The following SLC12A6 variants were observed in gnomAD, a reference collection of about 807,000 sequenced individuals.
SLC12A6 encodes the protein solute carrier family 12 member 6, also known as K-Cl cotransporter 3.
A neutral mutation model predicts 135.3 loss-of-function variants in SLC12A6; 66 were observed. That is an observed-to-expected ratio of 0.49 (90% confidence interval 0.40 to 0.60). The LOEUF (loss-of-function observed/expected upper bound fraction) is 0.60, where lower values mean the gene tolerates loss of function less well. Ranked by LOEUF, SLC12A6 falls within the 20% of genes least tolerant of loss-of-function variation. The pLI, the probability that SLC12A6 is intolerant of heterozygous loss-of-function variation, is 0.00. For missense variants in SLC12A6, 1,058 were observed against 1,452.3 expected (o/e 0.73, Z 4.41); for synonymous variants, 513 against 508.8 (o/e 1.01, Z -0.11).
At chr15:34,283,081 G>A (rs959205285) in intron 2 of SLC12A6, among the ~76,000 whole-genome samples, 1 of 152,202 alleles carries the variant, frequency 6.6e-6, no homozygotes, top group Non-Finnish European at 1.5e-5. Context: ...TGTGGCTCAC[G>A]CCTGTAATCC....
At chr15:34,237,103 A>G (rs1410863999) in intron 22 of SLC12A6, 1 of 473,570 alleles carries the variant, frequency 2.1e-6, no homozygotes, top group African/African-American at 2.0e-5. Context: ...GGTTTTTTTT[A>G]AAAGCCATGT....
intron 5 of SLC12A6, among the ~76,000 whole-genome samples, chr15:34,258,242 T>A (rs987076924): frequency 6.6e-6 from 1 of 152,224 alleles, no homozygotes; most frequent in African/African-American, 2.4e-5. Context: ...TTGAAAGGGC[T>A]GAACAACCAG....
intron 6 of SLC12A6, among the ~76,000 whole-genome samples, chr15:34,256,547 T>G (rs766422387): frequency 6.6e-6 from 1 of 152,166 alleles, no homozygotes; most frequent in Non-Finnish European, 1.5e-5. Flanking sequence ...ACTCTGGATT[T>G]CCTAGTTACA....
chr15:34,322,833 C>T (rs147493330), intron 2 of SLC12A6, among the ~76,000 whole-genome samples: 1,790 of 151,630 alleles, frequency 0.012, 14 homozygotes, highest in Middle Eastern at 0.037. Context: ...CAAAAATTAG[C>T]CAGTCGTGAT....
At chr15:34,321,439 G>A (rs1889081979) in intron 2 of SLC12A6, among the ~76,000 whole-genome samples, 1 of 152,136 alleles carries the variant, frequency 6.6e-6, no homozygotes, top group Non-Finnish European at 1.5e-5. Flanking sequence ...ATCACAATGA[G>A]GTTATCACTA....
At chr15:34,337,806 G>C (rs975755886), upstream of SLC12A6, 1 of 152,156 alleles carries the variant, frequency 6.6e-6, no homozygotes, top group East Asian at 1.9e-4. Flanking sequence ...GCGCGCGCAG[G>C]GTTCGCGCTG....
At chr15:34,285,653 C>T (rs1485518922) in intron 2 of SLC12A6, among the ~76,000 whole-genome samples, 1 of 132,648 alleles carries the variant, frequency 7.5e-6, no homozygotes, top group Non-Finnish European at 1.6e-5. Flanking sequence ...GGAAGCAATC[C>T]AAATGTCCAC....
chr15:34,326,369 A>G (rs1485864339), intron 2 of SLC12A6, among the ~76,000 whole-genome samples: 1 of 152,236 alleles, frequency 6.6e-6, no homozygotes, highest in Non-Finnish European at 1.5e-5. Flanking sequence ...CAACACAAAA[A>G]AAGTGTATAG....
chr15:34,257,506 T>C, intron 6 of SLC12A6, 136 bp downstream of exon 6: 1 of 718,010 alleles, frequency 1.4e-6, no homozygotes, highest in East Asian at 2.7e-5. Flanking sequence ...GATTTTAATA[T>C]CAGAATAATT....
chr15:34,321,137 A>G (rs1415380883), intron 2 of SLC12A6, among the ~76,000 whole-genome samples: 2 of 152,128 alleles, frequency 1.3e-5, no homozygotes, highest in East Asian at 3.8e-4. Context: ...CAACTTTAAA[A>G]CCTCTAATGC....
At chr15:34,236,923 T>C (rs1450965624) in intron 22 of SLC12A6, 108 bp from the exon 23 acceptor site, 41 of 727,262 alleles carry the variant, frequency 5.6e-5, no homozygotes, top group Non-Finnish European at 5.0e-6. Context: ...AGCATCACTA[T>C]ATTAACCTAA....
chr15:34,337,154 A>T, intron 1 of SLC12A6, 178 bp downstream of exon 1: 1 of 260,342 alleles, frequency 3.8e-6, no homozygotes, highest in South Asian at 3.9e-5. Context: ...TCAGGCGACT[A>T]TAGCGTGGAT....
chr15:34,318,578 T>C, intron 2 of SLC12A6: 2 of 1,614,006 alleles, frequency 1.2e-6, no homozygotes, highest in Non-Finnish European at 1.7e-6. Flanking sequence ...ATCTGAATCC[T>C]GAATCCGGGC....
rs1468248341 is a variant in SLC12A6, at chr15:34,230,765, A to G, written c.*3116T>C. On this transcript the variant is annotated 3_prime_UTR_variant, in exon 26 of 26. Coordinates refer to ENST00000354181, the MANE Select transcript of SLC12A6 (RefSeq NM_001365088.1). ...GACAACGTAAGCAACACATACACAC[A>G]TGAAATACTCTAGACAGACATGAAT... 1.3e-5 allele frequency: 2 copies of G among 152,692 alleles called. No individual in the cohort carries two copies. Among genetic ancestry groups the G allele is most frequent in the Non-Finnish European group, 1.5e-5 (1 of 68,048 alleles). 9.5% of individuals were successfully genotyped at this position (152,692 alleles called of 1,614,324 possible).
chr15:34,234,347 G>A (rs931012772), intron 25 of SLC12A6, among the ~76,000 whole-genome samples: 5 of 151,978 alleles, frequency 3.3e-5, no homozygotes, highest in African/African-American at 9.7e-5. Context: ...AGTTCGGTTT[G>A]TCTTTTTCTT....
intron 13 of SLC12A6, among the ~76,000 whole-genome samples, chr15:34,247,190 T>C (rs183987687): frequency 3.3e-5 from 5 of 152,274 alleles, no homozygotes; most frequent in Admixed American, 6.5e-5. Flanking sequence ...TAATTACTCG[T>C]TTTAACAATT....
At chr15:34,250,250 G>A in intron 13 of SLC12A6, 48 bp downstream of exon 13, 1 of 1,015,894 alleles carries the variant, frequency 9.8e-7, no homozygotes, top group Non-Finnish European at 1.6e-6. Flanking sequence ...ATGATCAGAA[G>A]TCATGGCAGA....
At chr15:34,300,105 TA>T (rs1896140228) in intron 2 of SLC12A6, among the ~76,000 whole-genome samples, 1 of 152,046 alleles carries the variant, frequency 6.6e-6, no homozygotes, top group African/African-American at 2.4e-5. Context: ...AAGGAGTCAA[TA>T]AAAAAATTAG....
At position 34,263,225 on chromosome 15, in the gene SLC12A6, C is replaced by G. The variant is rs192558588; in HGVS notation, c.317-2205G>C. Among the ~76,000 whole-genome samples the G allele has an allele frequency of 1.3e-4, 20 of 152,138 alleles. No homozygotes were observed. In the East Asian group the frequency reaches 3.9e-3, roughly 29 times the overall value. On this transcript the variant is annotated intron_variant, in intron 3 of 25. Coordinates refer to ENST00000354181, the MANE Select transcript of SLC12A6 (RefSeq NM_001365088.1). ...CTAGAGTCCAGGAGTTCTGGACCAG[C>G]CTGGGCAACATTGAGACCCTGCCTC...
Sources: gnomAD v4.1 joint callset for allele counts (sites outside exome capture counted in the v4.1 genomes callset) on GRCh38, gnomAD v4.1.1 for gene constraint, MANE v1.5 for transcripts, NCBI Gene and HGNC (gene_info 2026-07-23, HGNC 2026-07-21) for gene names.